Variants in CDH2 observed in about 807,000 individuals in gnomAD.
The protein encoded by CDH2 is cadherin 2, also known as cadherin-2.
Under a neutral mutation model 92.0 loss-of-function variants are expected in CDH2, and 17 were observed. The ratio of observed to expected loss-of-function variants is 0.18; its 90% CI spans 0.13 to 0.28. The LOEUF is 0.28. CDH2 is among the 10% of genes least tolerant of loss of function. CDH2 has a pLI of 1.00. For missense variants in CDH2, 862 were observed against 1,133.1 expected, an observed-to-expected ratio of 0.76 and a Z score of 3.44; for synonymous variants, 419 against 415.9, an observed-to-expected ratio of 1.01 and a Z score of -0.09.
chr18:28,093,129 C>T (rs1490992586), intron 2 of CDH2, among the ~76,000 whole-genome samples: 1 of 151,840 alleles, frequency 6.6e-6, no homozygotes, highest in Non-Finnish European at 1.5e-5. Flanking sequence ...TATTTTTGCT[C>T]AAAGAACACC....
At chr18:28,136,820 T>C (rs2015870355) in intron 2 of CDH2, among the ~76,000 whole-genome samples, 2 of 152,116 alleles carry the variant, frequency 1.3e-5, no homozygotes, top group African/African-American at 4.8e-5. Flanking sequence ...TAGAAAATAA[T>C]CTACCAGAAT....
intron 1 of CDH2, among the ~76,000 whole-genome samples, chr18:28,170,186 A>G (rs2016443640): frequency 6.6e-6 from 1 of 152,204 alleles, no homozygotes; most frequent in Admixed American, 6.5e-5. Context: ...TTCTAAACCT[A>G]ACTTGGATTG....
chr18:28,158,016 G>A (rs2016248362), intron 1 of CDH2, among the ~76,000 whole-genome samples: 1 of 152,116 alleles, frequency 6.6e-6, no homozygotes, highest in South Asian at 2.1e-4. Flanking sequence ...GGAGTCCCCT[G>A]TATTCATGTA....
chr18:28,136,386 CT>C (rs75569427), intron 2 of CDH2, among the ~76,000 whole-genome samples: 1,422 of 137,394 alleles, frequency 0.01, 5 homozygotes, highest in African/African-American at 0.017. Flanking sequence ...TTGCTGTAAT[CT>C]TTTTTTTTTT....
chr18:28,121,889 A>C (rs1417713340), intron 2 of CDH2, among the ~76,000 whole-genome samples: 1 of 152,062 alleles, frequency 6.6e-6, no homozygotes, highest in Non-Finnish European at 1.5e-5. Context: ...AGGTGAGATG[A>C]GTAAGTGATT....
chr18:28,083,857 C>G (rs2014877229), intron 2 of CDH2, among the ~76,000 whole-genome samples: 1 of 152,164 alleles, frequency 6.6e-6, no homozygotes, highest in African/African-American at 2.4e-5. Context: ...TGAGAAAACA[C>G]TATGGTGGCT....
chr18:28,160,610 C>T (rs555067823), intron 1 of CDH2, among the ~76,000 whole-genome samples: 21 of 152,258 alleles, frequency 1.4e-4, no homozygotes, highest in African/African-American at 4.8e-4. Flanking sequence ...AGGCAGCCGT[C>T]TTTGGCCAAA....
At chr18:28,088,187 A>G (rs978273478) in intron 2 of CDH2, among the ~76,000 whole-genome samples, 2 of 152,202 alleles carry the variant, frequency 1.3e-5, no homozygotes, top group Non-Finnish European at 2.9e-5. Context: ...AAGAAAAAGG[A>G]GGCTGTTTCA....
chr18:27,946,633 A>G (rs1213239306), downstream of CDH2, among the ~76,000 whole-genome samples: 1 of 152,022 alleles, frequency 6.6e-6, no homozygotes, highest in African/African-American at 2.4e-5. Context: ...AAAAATGGCA[A>G]TCTTCCTAAT....
At chr18:27,956,556 C>A (rs1235588044) in intron 15 of CDH2, among the ~76,000 whole-genome samples, 1 of 152,164 alleles carries the variant, frequency 6.6e-6, no homozygotes, top group Admixed American at 6.5e-5. Context: ...TAGTGGAGGT[C>A]ATCATTATAT....
chr18:27,942,135 G>A (rs1340042403), intron 6 of CDH2, among the ~76,000 whole-genome samples: 1 of 152,166 alleles, frequency 6.6e-6, no homozygotes, highest in African/African-American at 2.4e-5. Context: ...ACCCACATAA[G>A]TGTGTATACT....
intron 2 of CDH2, among the ~76,000 whole-genome samples, chr18:28,077,047 C>T (rs562726011): frequency 1.3e-5 from 2 of 152,262 alleles, no homozygotes; most frequent in South Asian, 4.1e-4. Context: ...TATTCATCTT[C>T]TACTTTAGTA....
At chr18:28,043,467 T>TATATATATATATATATATATATATATAA (rs1472708585) in intron 2 of CDH2, among the ~76,000 whole-genome samples, 6 of 59,630 alleles carry the variant, frequency 1.0e-4, no homozygotes, top group Non-Finnish European at 1.5e-4. Context: ...AATAAATATA[T>TATATATATATATATATATATATATATAA]ATATATATAT....
chr18:27,963,346 T>C lies in CDH2; in HGVS notation c.2514+11A>G. On this transcript the variant is annotated intron_variant, in intron 15 of 15. Transcript: ENST00000269141. ...AAAACTCTTATAGAGAAAACGAGTGTCTCTCTGTACCTCATTAATGAAGTC... is the reference window on the plus strand; with the variant it reads ...AAAACTCTTATAGAGAAAACGAGTGCCTCTCTGTACCTCATTAATGAAGTC... 6.2e-7 allele frequency: 1 copy of C among 1,613,310 alleles called. No individual in the cohort carries two copies.
intron 1 of CDH2, chr18:28,168,523 T>C (rs1189606791): frequency 1.1e-5 from 2 of 183,656 alleles, no homozygotes; most frequent in Admixed American, 1.3e-4. Flanking sequence ...TGTGTGGTCT[T>C]GTGGCCTGAG....
At chr18:28,002,532 A>C (rs907027723) in intron 7 of CDH2, among the ~76,000 whole-genome samples, 2 of 152,212 alleles carry the variant, frequency 1.3e-5, no homozygotes, top group Admixed American at 6.5e-5. Flanking sequence ...GTTCTAATAA[A>C]GAAGATAATC....
intron 2 of CDH2, among the ~76,000 whole-genome samples, chr18:28,018,502 C>G (rs17445861): frequency 0.028 from 4,234 of 152,082 alleles, 84 homozygotes; most frequent in Non-Finnish European, 0.042. Context: ...TACTATAAGT[C>G]CACAGTCACC....
chr18:28,034,579 C>G (rs1019517542), intron 2 of CDH2, among the ~76,000 whole-genome samples: 2 of 151,774 alleles, frequency 1.3e-5, no homozygotes, highest in Non-Finnish European at 2.9e-5. Context: ...CCTTCCAATA[C>G]GTTAAAAAAT....
At chr18:28,009,379 T>A (rs1599030372) in intron 5 of CDH2, among the ~76,000 whole-genome samples, 1 of 99,176 alleles carries the variant, frequency 1.0e-5, no homozygotes. Context: ...GACCTCTATA[T>A]ATTTTACATG....
Sources: gnomAD v4.1 joint callset for allele counts (sites outside exome capture counted in the v4.1 genomes callset) on GRCh38, gnomAD v4.1.1 for gene constraint, MANE v1.5 for transcripts, NCBI Gene and HGNC (gene_info 2026-07-23, HGNC 2026-07-21) for gene names.